LRRC36: variants seen among roughly 807,000 people sequenced by gnomAD.
LRRC36 encodes leucine rich repeat containing 36, also known as leucine-rich repeat-containing protein 36.
A neutral mutation model predicts 81.1 loss-of-function variants in LRRC36; 62 were observed. The ratio of observed to expected loss-of-function variants is 0.76; its 90% CI spans 0.62 to 0.94. The LOEUF is 0.94. LRRC36 is among the 40% of genes least tolerant of loss of function. LRRC36 has a pLI of 0.00. For synonymous variants in LRRC36, 334 were observed against 348.6 expected, an observed-to-expected ratio of 0.96 and a Z score of 0.47; for missense variants, 761 against 881.7, an observed-to-expected ratio of 0.86 and a Z score of 1.73.
intron 2 of LRRC36, among the ~76,000 whole-genome samples, chr16:67,345,192 G>A (rs1167892457): frequency 6.6e-6 from 1 of 151,716 alleles, no homozygotes; most frequent in East Asian, 1.9e-4. Flanking sequence ...CCACATGCCT[G>A]TATTCCCAGC....
intron 3 of LRRC36, 126 bp from the exon 4 acceptor site, chr16:67,347,369 T>A: frequency 1.3e-6 from 2 of 1,495,944 alleles, no homozygotes. Flanking sequence ...TTTTGTGACC[T>A]GTCTCTAACA....
Position 67,385,144 on chromosome 16 carries a change from C to T in LRRC36, c.*55C>T. Reference sequence around the variant, plus strand: ...CCTGGTCCACAGAGGCTCTCACCGCCATTGCCACCAGTATGGTGGTATGTA... The same window carrying T: ...CCTGGTCCACAGAGGCTCTCACCGCTATTGCCACCAGTATGGTGGTATGTA... On this transcript the variant is annotated 3_prime_UTR_variant, in exon 14 of 14. Transcript: ENST00000329956. 1.8e-5 allele frequency: 24 copies of T among 1,335,550 alleles called. No homozygotes were observed. Among genetic ancestry groups the T allele is most frequent in the Non-Finnish European group, 2.5e-5 (23 of 933,662 alleles). The allele number at this position is 1,335,550 out of a possible 1,614,324, so 82.7% of individuals were successfully genotyped here. A position where few individuals can be genotyped will look rare whatever the true frequency, so the allele number is the denominator to read the frequency against.
At chr16:67,350,319 G>C (rs190605751) in intron 5 of LRRC36, 29 bp downstream of exon 5, 7 of 1,535,864 alleles carry the variant, frequency 4.6e-6, no homozygotes, top group Non-Finnish European at 6.3e-6. Context: ...ATTATAAAAT[G>C]ATTAAAACAT....
Position 67,371,104 on chromosome 16 carries a change from G to A in LRRC36, c.1356G>A (p.Leu452=). The A allele has an allele frequency of 6.2e-7, 1 of 1,614,206 alleles. No homozygotes were observed. The highest frequency in any genetic ancestry group is 8.5e-7 in the Non-Finnish European group (1 of 1,180,036). ...NRTTPLRTLL[L]SPGTSEHRKI... ...CAACTCCTCTGCGGACACTGCTGTT[G>A]TCTCCTGGGACTTCAGAACACAGAA... The change falls in exon 9 of 14, where the codon TTG becomes TTA. Residue 452 remains leucine, a synonymous_variant. Coordinates refer to ENST00000329956, the MANE Select transcript of LRRC36 (RefSeq NM_018296.6).
At chr16:67,353,476 TC>T (rs1248352718) in intron 5 of LRRC36, among the ~76,000 whole-genome samples, 2 of 152,054 alleles carry the variant, frequency 1.3e-5, no homozygotes, top group African/African-American at 4.8e-5. Context: ...AACCTTTGCC[TC>T]CCAAGTTCAA....
intron 5 of LRRC36, among the ~76,000 whole-genome samples, chr16:67,360,340 G>C (rs1171096243): frequency 6.6e-6 from 1 of 152,060 alleles, no homozygotes; most frequent in African/African-American, 2.4e-5. Context: ...TTTGAACCAA[G>C]ACATAGGTTG....
Position 67,382,245 on chromosome 16 carries a change from G to A in LRRC36, c.2043G>A (p.Gln681=), listed in dbSNP as rs1192612233. ...CAGTTGCCATTCTCCATGAAAGTCA[G>A]AGGTAGGAGAGGGTCTATCTAGCTT... is the stretch of plus-strand genomic sequence containing the variant. ...EKTVAILHES[Q]RSLVVTNEYL... The change falls in exon 13 of 14, where the codon CAG becomes CAA. Residue 681 remains glutamine (Q), a splice_region_variant and synonymous_variant. Coordinates refer to ENST00000329956, the MANE Select transcript of LRRC36 (RefSeq NM_018296.6). 1.9e-6 allele frequency: 3 copies of A among 1,607,164 alleles called. No individual in the cohort carries two copies. The highest frequency in any genetic ancestry group is 2.6e-6 in the Non-Finnish European group (3 of 1,173,912).
intron 5 of LRRC36, among the ~76,000 whole-genome samples, chr16:67,352,800 C>G (rs983668262): frequency 1.3e-5 from 2 of 151,870 alleles, no homozygotes; most frequent in Non-Finnish European, 2.9e-5. Flanking sequence ...AGTTCATCCT[C>G]CTGAGTAGCT....
At position 67,382,235 on chromosome 16, in the gene LRRC36, A is replaced by T; in HGVS notation, c.2033A>T (p.His678Leu). 1 of 1,613,820 alleles carries T rather than the reference A, an allele frequency of 6.2e-7. No individual in the cohort carries two copies. The highest frequency in any genetic ancestry group is 8.5e-7 in the Non-Finnish European group (1 of 1,179,762). The part of the protein sequence containing the change: ...KKLEKTVAIL[H>L]ESQRSLVVTN... ...CTGGAGAAGACAGTTGCCATTCTCC[A>T]TGAAAGTCAGAGGTAGGAGAGGGTC... Residue 678 changes from histidine to leucine, a missense_variant, in exon 13 of 14, where the codon CAT becomes CTT. This residue lies in a region of LRRC36 where 359 missense variants were observed against 388.4 expected (regional missense o/e 0.92). Coordinates refer to ENST00000329956, the MANE Select transcript of LRRC36 (RefSeq NM_018296.6).
intron 4 of LRRC36, 148 bp downstream of exon 4, chr16:67,347,739 A>G: frequency 1.7e-6 from 1 of 588,204 alleles, no homozygotes; most frequent in South Asian, 2.0e-5. Context: ...TATTCTGCAA[A>G]CTGAGATTTA....
chr16:67,330,333 T>A (rs2037424204), intron 1 of LRRC36, among the ~76,000 whole-genome samples: 1 of 152,222 alleles, frequency 6.6e-6, no homozygotes, highest in African/African-American at 2.4e-5. Context: ...AATTGTCTAT[T>A]TCTTTCATTT....
chr16:67,355,598 TCTC>T (rs2038867406), intron 5 of LRRC36, among the ~76,000 whole-genome samples: 1 of 151,874 alleles, frequency 6.6e-6, no homozygotes, highest in Non-Finnish European at 1.5e-5. Context: ...ATGGTCTCGA[TCTC>T]CTGACCTCAT....
intron 1 of LRRC36, among the ~76,000 whole-genome samples, chr16:67,330,804 G>T (rs932455090): frequency 1.3e-5 from 2 of 152,116 alleles, no homozygotes; most frequent in African/African-American, 4.8e-5. Flanking sequence ...AGCAGAGGTT[G>T]CAGTGAACTG....
intron 5 of LRRC36, among the ~76,000 whole-genome samples, chr16:67,359,580 A>G (rs2039054833): frequency 6.6e-6 from 1 of 152,216 alleles, no homozygotes; most frequent in African/African-American, 2.4e-5. Flanking sequence ...TGAATATACT[A>G]AAAAACACTG....
At chr16:67,332,399 A>C (rs534960758) in intron 1 of LRRC36, among the ~76,000 whole-genome samples, 11 of 151,962 alleles carry the variant, frequency 7.2e-5, no homozygotes, top group Non-Finnish European at 1.5e-5. Context: ...TAAAAATACA[A>C]AAAAATTAGC....
At chr16:67,345,380 T>C (rs552176389) in intron 2 of LRRC36, among the ~76,000 whole-genome samples, 17 of 151,868 alleles carry the variant, frequency 1.1e-4, no homozygotes, top group Admixed American at 1.1e-3. Flanking sequence ...TGAAATTTAG[T>C]ATTGGGCAAA....
At chr16:67,349,589 C>A (rs555105807) in intron 4 of LRRC36, among the ~76,000 whole-genome samples, 21 of 152,090 alleles carry the variant, frequency 1.4e-4, no homozygotes, top group Non-Finnish European at 2.8e-4. Context: ...AAGAAACTGT[C>A]CTACCCCCTC....
In LRRC36 at chr16:67,385,013, C is replaced by T. The variant is rs2040245195; in HGVS notation, c.2189C>T (p.Ser730Phe). 1 of 1,614,198 alleles carries T rather than the reference C, an allele frequency of 6.2e-7. No individual in the cohort carries two copies. Among genetic ancestry groups the T allele is most frequent in the Non-Finnish European group, 8.5e-7 (1 of 1,180,034 alleles). Residue 730 changes from serine to phenylalanine, a missense_variant, in exon 14 of 14, where the codon TCC becomes TTC. Transcript: ENST00000329956. ...TTTGGGAAAAGCACGTTGTCTTCCT[C>T]CTCACCAGTGGCACATGAGACTGGT... ...SPFGKSTLSSSSPVAHETGQY... is the reference protein window; with the variant it reads ...SPFGKSTLSSFSPVAHETGQY...
intron 2 of LRRC36, among the ~76,000 whole-genome samples, chr16:67,345,081 G>T (rs1346379108): frequency 1.3e-5 from 2 of 152,046 alleles, no homozygotes; most frequent in Non-Finnish European, 2.9e-5. Context: ...GGAGGCCAAG[G>T]CAGGATAATT....
Sources: gnomAD v4.1 joint callset for allele counts (sites outside exome capture counted in the v4.1 genomes callset) on GRCh38, gnomAD v4.1.1 for gene constraint, gnomAD v4.1.1 regional missense constraint, MANE v1.5 for transcripts, NCBI Gene and HGNC (gene_info 2026-07-23, HGNC 2026-07-21) for gene names.